TUBGCP3: variants seen among roughly 807,000 people sequenced by gnomAD.
The protein encoded by TUBGCP3 is tubulin gamma complex component 3.
Under a neutral mutation model 123.1 loss-of-function variants are expected in TUBGCP3, and 50 were observed. The observed-to-expected ratio is 0.41, with a 90% CI of 0.32 to 0.51. The LOEUF is 0.51. Ranked by LOEUF, TUBGCP3 falls within the 20% of genes least tolerant of loss-of-function variation. The pLI is 0.36. For missense variants in TUBGCP3, 882 were observed against 1,127.0 expected (o/e 0.78, Z 3.11); for synonymous variants, 405 against 413.9 (o/e 0.98, Z 0.26).
chr13:112,605,317 G>T, the TUBGCP3 span: 4 of 149,722 alleles, frequency 2.7e-5, no homozygotes, highest in East Asian at 7.8e-4. Flanking sequence ...AAATGATAAT[G>T]ATAATAATAA....
chr13:112,553,588 G>C (rs61962885), intron 8 of TUBGCP3, among the ~76,000 whole-genome samples: 31 of 152,344 alleles, frequency 2.0e-4, no homozygotes, highest in Non-Finnish European at 3.5e-4. Context: ...ACCCAGGGCT[G>C]TCCAGACAGC....
upstream of TUBGCP3, among the ~76,000 whole-genome samples, chr13:112,589,385 A>G (rs1235915878): frequency 1.3e-5 from 2 of 152,240 alleles, no homozygotes; most frequent in African/African-American, 2.4e-5. Context: ...TTTGGTTTAC[A>G]GATGGCTCTT....
At chr13:112,560,825 AC>A (rs1338298057) in intron 3 of TUBGCP3, among the ~76,000 whole-genome samples, 1 of 152,202 alleles carries the variant, frequency 6.6e-6, no homozygotes, top group Non-Finnish European at 1.5e-5. Flanking sequence ...TAAGAAACAG[AC>A]CCAGCCCTGA....
chr13:112,545,938 C>A lies in TUBGCP3; in HGVS notation c.1169-73G>T. The stretch of plus-strand genomic sequence containing the variant: ...ATAGTACACACCAGTCACTTCTCAC[C>A]AACCAAAGACGCCCAAGTAATTGAG... On this transcript the variant is annotated intron_variant, in intron 10 of 21. Coordinates refer to ENST00000261965, the MANE Select transcript of TUBGCP3 (RefSeq NM_006322.6). This position sits in a 1 kb window ranked among gnomAD's most constrained non-coding sequence, Gnocchi z 4.1. The A allele has an allele frequency of 6.6e-7, 1 of 1,516,246 alleles. No individual in the cohort carries two copies. The highest frequency in any genetic ancestry group is 9.0e-7 in the Non-Finnish European group (1 of 1,106,584). The allele number at this position is 1,516,246 out of a possible 1,614,324, so 93.9% of individuals were successfully genotyped here.
chr13:112,551,832 C>T (rs1233409463), intron 8 of TUBGCP3, among the ~76,000 whole-genome samples: 1 of 151,664 alleles, frequency 6.6e-6, no homozygotes, highest in East Asian at 1.9e-4. Flanking sequence ...ACCTTTTTGG[C>T]ACCAGGGACT....
rs1881426112 is a variant in TUBGCP3, at chr13:112,508,120, G to A, written c.2087-3406C>T. ...CCCAGCCTCAGCATCCCGCAGCCCTGGCCCCACCAGGTTTGCATTGCTTCG... is the reference window on the plus strand; with the variant it reads ...CCCAGCCTCAGCATCCCGCAGCCCTAGCCCCACCAGGTTTGCATTGCTTCG... On this transcript the variant is annotated intron_variant, in intron 17 of 21. Transcript: ENST00000261965. This position sits in a 1 kb window ranked among gnomAD's most constrained non-coding sequence, Gnocchi z 4.2. 6.6e-6 allele frequency among the ~76,000 whole-genome samples: 1 copy of A among 152,048 alleles called. No homozygotes were observed. The highest frequency in any genetic ancestry group is 2.4e-5 in the African/African-American group (1 of 41,398).
intron 13 of TUBGCP3, among the ~76,000 whole-genome samples, chr13:112,523,746 G>A (rs546696711): frequency 1.4e-4 from 22 of 152,252 alleles, no homozygotes; most frequent in African/African-American, 4.6e-4. Context: ...GAGCCTCCTC[G>A]GAACTCTCTT....
chr13:112,601,185 TAAAAAAAAA>T, the TUBGCP3 span, among the ~76,000 whole-genome samples: 2 of 86,494 alleles, frequency 2.3e-5, no homozygotes, highest in African/African-American at 9.6e-5. Flanking sequence ...AGATTCTGTC[TAAAAAAAAA>T]AAAAAAAAAA....
At chr13:112,497,211 T>C (rs1312903723) in intron 20 of TUBGCP3, among the ~76,000 whole-genome samples, 1 of 152,170 alleles carries the variant, frequency 6.6e-6, no homozygotes, top group Non-Finnish European at 1.5e-5. Context: ...AAACGACATC[T>C]TGGAGGGGTG....
chr13:112,495,644 T>C (rs1350749149), intron 20 of TUBGCP3, among the ~76,000 whole-genome samples: 1 of 152,218 alleles, frequency 6.6e-6, no homozygotes, highest in Non-Finnish European at 1.5e-5. Flanking sequence ...TCTATCAGTG[T>C]GATAATACTG....
intron 20 of TUBGCP3, among the ~76,000 whole-genome samples, chr13:112,494,280 G>T (rs755720463): frequency 1.4e-3 from 212 of 152,336 alleles, no homozygotes; most frequent in Non-Finnish European, 1.3e-3. Context: ...CCTGAGTTCG[G>T]CACTGGTTCC....
chr13:112,543,674 G>A (rs1878716641), intron 11 of TUBGCP3, among the ~76,000 whole-genome samples: 1 of 152,158 alleles, frequency 6.6e-6, no homozygotes, highest in South Asian at 2.1e-4. Flanking sequence ...ATAAAACGTA[G>A]TAAAACTTGT....
At chr13:112,488,584 C>T (rs1392264110) in intron 21 of TUBGCP3, among the ~76,000 whole-genome samples, 4 of 152,258 alleles carry the variant, frequency 2.6e-5, no homozygotes, top group African/African-American at 7.2e-5. Flanking sequence ...AATCCCACCA[C>T]GGGGGAGCGC....
chr13:112,555,937 A>G, intron 6 of TUBGCP3, 115 bp downstream of exon 6: 1 of 1,230,178 alleles, frequency 8.1e-7, no homozygotes, highest in African/African-American at 1.5e-5. Context: ...TCATAAGAAC[A>G]AGAAGAAACC....
chr13:112,517,263 T>C (rs1450228481), intron 16 of TUBGCP3, among the ~76,000 whole-genome samples: 2 of 152,098 alleles, frequency 1.3e-5, no homozygotes, highest in Non-Finnish European at 2.9e-5. Context: ...AGTGATAGAT[T>C]TGCCTTTTTT....
intron 1 of TUBGCP3, among the ~76,000 whole-genome samples, chr13:112,578,415 C>T (rs890631338): frequency 2.2e-4 from 33 of 150,246 alleles, no homozygotes; most frequent in African/African-American, 7.4e-4. Context: ...AAAAATTAGC[C>T]GGGCGTGGTG....
intron 1 of TUBGCP3, among the ~76,000 whole-genome samples, chr13:112,580,963 G>A (rs1404940952): frequency 6.6e-6 from 1 of 152,142 alleles, no homozygotes; most frequent in African/African-American, 2.4e-5. Flanking sequence ...TGCCCCCTTA[G>A]AGTGAATTAT....
chr13:112,599,384 C>T, the TUBGCP3 span, among the ~76,000 whole-genome samples: 2 of 152,208 alleles, frequency 1.3e-5, no homozygotes, highest in Non-Finnish European at 1.5e-5. Flanking sequence ...ATTGTTCTGA[C>T]TGAGAGAGTT....
At chr13:112,527,078 T>C (rs1233130015) in intron 12 of TUBGCP3, 28 bp from the exon 13 acceptor site, 5 of 1,568,908 alleles carry the variant, frequency 3.2e-6, no homozygotes, top group Non-Finnish European at 4.4e-6. Flanking sequence ...CTATGATTAC[T>C]TTTATGTAAA....
Sources: gnomAD v4.1 joint callset for allele counts (sites outside exome capture counted in the v4.1 genomes callset) on GRCh38, gnomAD v4.1.1 for gene constraint, Gnocchi (gnomAD v3.1) non-coding constraint, MANE v1.5 for transcripts, NCBI Gene and HGNC (gene_info 2026-07-23, HGNC 2026-07-21) for gene names.